The following LAMA2 variants were observed in gnomAD, a reference collection of about 807,000 sequenced individuals.
LAMA2 encodes laminin subunit alpha-2.
Under a neutral mutation model 364.8 loss-of-function variants are expected in LAMA2, and 269 were observed. The ratio of observed to expected loss-of-function variants is 0.74; its 90% CI spans 0.67 to 0.82. LAMA2 has a LOEUF of 0.82. Ranked by LOEUF, LAMA2 falls within the 40% of genes least tolerant of loss-of-function variation. LAMA2 has a pLI of 0.00. For missense variants in LAMA2, 3,807 were observed against 3,873.2 expected, an observed-to-expected ratio of 0.98 and a Z score of 0.45; for synonymous variants, 1,379 against 1,370.6, an observed-to-expected ratio of 1.01 and a Z score of -0.14.
At chr6:128,905,122 AT>A (rs1416255118) in intron 1 of LAMA2, among the ~76,000 whole-genome samples, 1 of 152,194 alleles carries the variant, frequency 6.6e-6, no homozygotes, top group Non-Finnish European at 1.5e-5. Flanking sequence ...AATGCATTAT[AT>A]TCTGGGTCAT....
rs1364425942 is a variant in LAMA2, at chr6:128,911,537, T to G, written c.112+28180T>G. Among the ~76,000 whole-genome samples, 4 of 152,144 alleles carry G rather than the reference T, an allele frequency of 2.6e-5. No homozygotes were observed. In the South Asian group the frequency reaches 6.2e-4, roughly 24 times the overall value. ...CACCCACTGACCTGCGCCCACTGTC[T>G]GGCATTCCTTAGTGAGATGAACCCG... On this transcript the variant is annotated intron_variant, in intron 1 of 64. Coordinates refer to ENST00000421865, the MANE Select transcript of LAMA2 (RefSeq NM_000426.4).
intron 29 of LAMA2, among the ~76,000 whole-genome samples, chr6:129,338,031 C>T (rs1209963588): frequency 6.6e-6 from 1 of 152,100 alleles, no homozygotes; most frequent in East Asian, 1.9e-4. Context: ...AGTATGTCAG[C>T]AACCCTCTGA....
Position 128,883,332 on chromosome 6 carries a change from G to A in LAMA2, c.87G>A (p.Arg29=). ...AGGCGCAGCGGCCGCAGCAGCAGCG[G>A]CAGTCACAGGCACATCAGCAAAGAG... ...GVQAQRPQQQ[R]QSQAHQQRGL... is the part of the protein sequence containing the mutation. The change falls in exon 1 of 65, where the codon CGG becomes CGA. Residue 29 remains arginine, a synonymous_variant. Transcript: ENST00000421865. The A allele has an allele frequency of 6.3e-7, 1 of 1,598,608 alleles. No homozygotes were observed. Among genetic ancestry groups the A allele is most frequent in the Non-Finnish European group, 8.5e-7 (1 of 1,172,970 alleles).
chr6:129,503,177 C>G lies in LAMA2; in HGVS notation c.8444C>G (p.Thr2815Arg), dbSNP rs748758336. 24 of 1,614,002 alleles carry G rather than the reference C, an allele frequency of 1.5e-5. No individual in the cohort carries two copies. The highest frequency in any genetic ancestry group is 2.0e-5 in the Non-Finnish European group (24 of 1,179,974). Residue 2815 changes from threonine (T) to arginine (R), a missense_variant, in exon 60 of 65, where the codon ACA becomes AGA. By Grantham distance (71) the Thr-to-Arg change is moderately conservative (BLOSUM62 -1). Coordinates refer to ENST00000421865, the MANE Select transcript of LAMA2 (RefSeq NM_000426.4). The stretch of plus-strand genomic sequence containing the variant: ...CGCATCAATCATGCTGATTTTGCAA[C>G]AGTTCAGCTGAGAAATGGATTGCCC... ...MARINHADFATVQLRNGLPYF... is the reference protein window; with the variant it reads ...MARINHADFARVQLRNGLPYF...
intron 8 of LAMA2, among the ~76,000 whole-genome samples, chr6:129,157,238 T>C (rs1750583869): frequency 6.6e-6 from 1 of 152,186 alleles, no homozygotes; most frequent in South Asian, 2.1e-4. Context: ...GAGACACTAA[T>C]CAGGATTGAA....
At position 129,027,333 on chromosome 6, in the gene LAMA2, A is replaced by G. The variant is rs369213374; in HGVS notation, c.113-22585A>G. ...TATGTAATAGCTTGTCCATTTGCACATATTTTCACCCCACTGATAGTTTTT... is the reference window on the plus strand; with the variant it reads ...TATGTAATAGCTTGTCCATTTGCACGTATTTTCACCCCACTGATAGTTTTT... On this transcript the variant is annotated intron_variant, in intron 1 of 64. Transcript: ENST00000421865. 6.6e-5 allele frequency among the ~76,000 whole-genome samples: 10 copies of G among 152,202 alleles called. No individual in the cohort carries two copies. In the East Asian group the frequency reaches 1.5e-3, roughly 23 times the overall value.
intron 1 of LAMA2, among the ~76,000 whole-genome samples, chr6:128,996,295 G>A (rs1783938265): frequency 6.6e-6 from 1 of 152,106 alleles, no homozygotes. Flanking sequence ...AGGCATGATG[G>A]TGGGGAGTGT....
At chr6:129,357,094 CTGTCATTCATAGTTCACA>C (rs1174266511) in intron 32 of LAMA2, among the ~76,000 whole-genome samples, 1 of 152,038 alleles carries the variant, frequency 6.6e-6, no homozygotes, top group East Asian at 1.9e-4. Flanking sequence ...CCTCTTTCAA[CTGTCATTCATAGTTCACA>C]TGTCATTTTA....
intron 45 of LAMA2, among the ~76,000 whole-genome samples, chr6:129,450,650 T>G (rs988163848): frequency 6.6e-6 from 1 of 152,168 alleles, no homozygotes; most frequent in Non-Finnish European, 1.5e-5. Flanking sequence ...AAAACTGATT[T>G]ATTAGGAATT....
intron 32 of LAMA2, among the ~76,000 whole-genome samples, chr6:129,364,045 A>C (rs759227255): frequency 6.6e-6 from 1 of 152,140 alleles, no homozygotes; most frequent in Non-Finnish European, 1.5e-5. Context: ...CTCTTTGTTC[A>C]TTCAGCTTGT....
At chr6:129,352,232 G>A (rs916837717) in intron 31 of LAMA2, among the ~76,000 whole-genome samples, 2 of 152,174 alleles carry the variant, frequency 1.3e-5, no homozygotes, top group East Asian at 3.8e-4. Flanking sequence ...CAGAATGTAT[G>A]GCCCTGCTAG....
At chr6:129,061,289 A>T (rs1292517295) in intron 3 of LAMA2, among the ~76,000 whole-genome samples, 3 of 152,186 alleles carry the variant, frequency 2.0e-5, no homozygotes, top group East Asian at 1.9e-4. Flanking sequence ...GGGACAGGCA[A>T]TCAATAAATA....
At chr6:128,892,844 T>TA (rs1015908083) in intron 1 of LAMA2, among the ~76,000 whole-genome samples, 4 of 151,782 alleles carry the variant, frequency 2.6e-5, no homozygotes, top group East Asian at 1.9e-4. Flanking sequence ...AATCTACTAT[T>TA]AAAAAAACCA....
intron 1 of LAMA2, among the ~76,000 whole-genome samples, chr6:128,996,013 C>G (rs1783917114): frequency 6.6e-6 from 1 of 152,086 alleles, no homozygotes; most frequent in African/African-American, 2.4e-5. Context: ...CATGACAAAA[C>G]ATACAAGGCC....
chr6:129,199,354 A>G (rs1173852162), intron 12 of LAMA2, among the ~76,000 whole-genome samples: 1 of 152,226 alleles, frequency 6.6e-6, no homozygotes, highest in Non-Finnish European at 1.5e-5. Flanking sequence ...ACTTTAACTG[A>G]TGAAGGCTAT....
chr6:129,471,650 T>A (rs1783818761), intron 51 of LAMA2, among the ~76,000 whole-genome samples: 1 of 151,936 alleles, frequency 6.6e-6, no homozygotes, highest in Non-Finnish European at 1.5e-5. Context: ...GTTTTATAAA[T>A]CTATTTTCTT....
At chr6:129,286,112 T>C (rs1254489529) in intron 18 of LAMA2, among the ~76,000 whole-genome samples, 2 of 152,124 alleles carry the variant, frequency 1.3e-5, no homozygotes, top group African/African-American at 2.4e-5. Flanking sequence ...TTTCAAATGG[T>C]AGAGAGCCTT....
intron 42 of LAMA2, 97 bp from the exon 43 acceptor site, chr6:129,440,719 C>T (rs1206116822): frequency 7.5e-6 from 8 of 1,073,606 alleles, no homozygotes; most frequent in Admixed American, 1.7e-5. Context: ...TAAATGTGTC[C>T]GAGGTCAGCC....
At chr6:129,033,201 C>T (rs1318734983) in intron 1 of LAMA2, among the ~76,000 whole-genome samples, 2 of 146,768 alleles carry the variant, frequency 1.4e-5, no homozygotes, top group East Asian at 2.0e-4. Context: ...CCCTGAGGAA[C>T]GATAATAGTT....
Sources: gnomAD v4.1 joint callset for allele counts (sites outside exome capture counted in the v4.1 genomes callset) on GRCh38, gnomAD v4.1.1 for gene constraint, MANE v1.5 for transcripts, NCBI Gene and HGNC (gene_info 2026-07-23, HGNC 2026-07-21) for gene names.